Variants in FSTL4 observed in about 807,000 individuals in gnomAD.
FSTL4 encodes the protein follistatin like 4.
In FSTL4, 28 loss-of-function variants were observed where a neutral mutation model predicts 78.2. The observed-to-expected ratio is 0.36, with a 90% CI of 0.27 to 0.49. FSTL4 has a LOEUF of 0.49. FSTL4 is among the 20% of genes least tolerant of loss of function. The probability of loss-of-function intolerance (pLI) is 0.98; values close to 1 mark genes in which losing one functional copy is unlikely to be tolerated. For synonymous variants in FSTL4, 422 were observed against 440.5 expected (o/e 0.96, Z 0.53); for missense variants, 922 against 1,084.9 (o/e 0.85, Z 2.11).
At chr5:133,248,337 G>C (rs879775120) in intron 7 of FSTL4, 9 of 152,296 alleles carry the variant, frequency 5.9e-5, no homozygotes, top group Admixed American at 5.9e-4. Flanking sequence ...TCTTTTCTGG[G>C]CAAGCATCCC....
chr5:133,282,603 C>T (rs1286768777), intron 6 of FSTL4, among the ~76,000 whole-genome samples: 1 of 152,128 alleles, frequency 6.6e-6, no homozygotes. Flanking sequence ...GAGCAGAGGT[C>T]TTCCGTTCTG....
chr5:133,750,772 G>A, the FSTL4 span, among the ~76,000 whole-genome samples: 1 of 152,038 alleles, frequency 6.6e-6, no homozygotes, highest in Non-Finnish European at 1.5e-5. Flanking sequence ...CTCAATAATG[G>A]TCACCCCTAT....
chr5:133,561,620 T>A (rs554270831), intron 3 of FSTL4, among the ~76,000 whole-genome samples: 71 of 152,298 alleles, frequency 4.7e-4, no homozygotes, highest in African/African-American at 1.7e-3. Flanking sequence ...AATCCTTTTA[T>A]CAGCTGTTCT....
At chr5:133,365,659 C>T (rs1000437463) in intron 4 of FSTL4, among the ~76,000 whole-genome samples, 2 of 152,254 alleles carry the variant, frequency 1.3e-5, no homozygotes, top group African/African-American at 2.4e-5. Flanking sequence ...ATGAGTTATC[C>T]GAGCTGACGC....
intron 4 of FSTL4, among the ~76,000 whole-genome samples, chr5:133,376,417 C>G (rs1438234216): frequency 6.6e-6 from 1 of 152,126 alleles, no homozygotes; most frequent in Admixed American, 6.5e-5. Flanking sequence ...ATTCACAACA[C>G]ATTAAATCCA....
the FSTL4 span, among the ~76,000 whole-genome samples, chr5:133,698,302 GAGGGCTGAGCCTC>G: frequency 1.3e-5 from 2 of 152,184 alleles, no homozygotes; most frequent in African/African-American, 4.8e-5. Context: ...CATCTGTACT[GAGGGCTGAGCCTC>G]ACCAGACAGA....
At chr5:133,366,667 C>G (rs1053523045) in intron 4 of FSTL4, among the ~76,000 whole-genome samples, 1 of 151,862 alleles carries the variant, frequency 6.6e-6, no homozygotes, top group Non-Finnish European at 1.5e-5. Context: ...TCTGGTGACT[C>G]AAGAAGTCAG....
At chr5:133,288,439 G>C (rs1051294859) in intron 6 of FSTL4, among the ~76,000 whole-genome samples, 2 of 152,226 alleles carry the variant, frequency 1.3e-5, no homozygotes, top group African/African-American at 4.8e-5. Flanking sequence ...CCCACTCCTG[G>C]CCCGCTCACT....
At chr5:133,769,919 T>C in the FSTL4 span, among the ~76,000 whole-genome samples, 4 of 152,176 alleles carry the variant, frequency 2.6e-5, no homozygotes, top group African/African-American at 2.4e-5. Context: ...TGGGTACCCA[T>C]TGTTCAGCTC....
the FSTL4 span, among the ~76,000 whole-genome samples, chr5:133,701,750 A>C: frequency 6.6e-6 from 1 of 152,204 alleles, no homozygotes; most frequent in African/African-American, 2.4e-5. Context: ...TTCCTTACAA[A>C]ATGCACACAG....
At chr5:133,295,872 C>T (rs932806694) in intron 6 of FSTL4, among the ~76,000 whole-genome samples, 2 of 152,202 alleles carry the variant, frequency 1.3e-5, no homozygotes, top group African/African-American at 4.8e-5. Context: ...TCTTAGGGCT[C>T]TGTCTTGGCT....
Position 133,217,276 on chromosome 5 carries a change from G to C in FSTL4, c.1561C>G (p.Leu521Val), listed in dbSNP as rs1750939414. 2.5e-6 allele frequency: 4 copies of C among 1,614,000 alleles called. No individual in the cohort carries two copies. Among genetic ancestry groups the C allele is most frequent in the African/African-American group, 1.3e-5 (1 of 74,920 alleles). The change falls in exon 13 of 16, where the codon CTG becomes GTG. Residue 521 changes from leucine (L) to valine (V), a missense_variant. Physicochemically the swap from Leu to Val is conservative, Grantham distance 32. Transcript: ENST00000265342. ...NRYIYVAQPALSRVLVVDIQA... is the reference protein window; with the variant it reads ...NRYIYVAQPAVSRVLVVDIQA... ...ATGTCGACCACAAGGACTCTGCTCA[G>C]TGCTGGCTGGGCCACATAGATGTAC...
intron 4 of FSTL4, among the ~76,000 whole-genome samples, chr5:133,353,475 C>T (rs921210355): frequency 4.6e-5 from 7 of 152,124 alleles, no homozygotes; most frequent in East Asian, 1.9e-4. Flanking sequence ...AGGCCCCAGG[C>T]GTTCCTCCTG....
chr5:133,448,022 A>G (rs1463058259), intron 3 of FSTL4, among the ~76,000 whole-genome samples: 1 of 152,050 alleles, frequency 6.6e-6, no homozygotes, highest in African/African-American at 2.4e-5. Context: ...CTTTGTTTGC[A>G]TGTGTGAGTA....
At chr5:133,629,154 C>G in the FSTL4 span, among the ~76,000 whole-genome samples, 2 of 150,802 alleles carry the variant, frequency 1.3e-5, no homozygotes, top group African/African-American at 2.5e-5. Flanking sequence ...GCATCAATAC[C>G]CAGCTTATTG....
At chr5:133,284,900 C>T (rs992024203) in intron 6 of FSTL4, among the ~76,000 whole-genome samples, 1 of 152,110 alleles carries the variant, frequency 6.6e-6, no homozygotes, top group Admixed American at 6.5e-5. Flanking sequence ...AAGAGACAGG[C>T]TGAGTAGGGT....
chr5:133,736,058 G>A, the FSTL4 span, among the ~76,000 whole-genome samples: 1 of 152,196 alleles, frequency 6.6e-6, no homozygotes, highest in Non-Finnish European at 1.5e-5. Flanking sequence ...GAGGCAGGAT[G>A]TGCACAGTGC....
chr5:133,210,109 G>T, intron 14 of FSTL4, 82 bp downstream of exon 14: 1 of 746,350 alleles, frequency 1.3e-6, no homozygotes, highest in Non-Finnish European at 2.4e-6. Context: ...GCTACCCGGG[G>T]AAGCAGGAGA....
At chr5:133,644,514 T>C in the FSTL4 span, among the ~76,000 whole-genome samples, 1 of 151,894 alleles carries the variant, frequency 6.6e-6, no homozygotes, top group Non-Finnish European at 1.5e-5. Context: ...GTGACAACAG[T>C]AGTGTAATTG....
Sources: allele counts gnomAD v4.1 joint callset (sites outside exome capture counted in the v4.1 genomes callset), GRCh38; gene constraint gnomAD v4.1.1; transcripts MANE v1.5; gene names NCBI Gene and HGNC (gene_info 2026-07-23, HGNC 2026-07-21).